The following HIP1 variants were observed in gnomAD, a reference collection of about 807,000 sequenced individuals.
HIP1 encodes the protein huntingtin-interacting protein 1.
A neutral mutation model predicts 147.6 loss-of-function variants in HIP1; 65 were observed. The observed-to-expected ratio is 0.44, with a 90% CI of 0.36 to 0.54. HIP1 has a LOEUF of 0.54. HIP1 is among the 20% of genes least tolerant of loss of function. HIP1 has a pLI of 0.00. For synonymous variants in HIP1, 479 were observed against 504.0 expected, an observed-to-expected ratio of 0.95 and a Z score of 0.67; for missense variants, 1,061 against 1,299.6, an observed-to-expected ratio of 0.82 and a Z score of 2.82.
At chr7:75,602,627 C>A (rs1197934490) in intron 1 of HIP1, among the ~76,000 whole-genome samples, 1 of 150,608 alleles carries the variant, frequency 6.6e-6, no homozygotes, top group Non-Finnish European at 1.5e-5. Context: ...CTCAGCCTCC[C>A]GAGTAGCTGG....
At chr7:75,711,594 C>A (rs73145046) in intron 1 of HIP1, among the ~76,000 whole-genome samples, 1 of 152,120 alleles carries the variant, frequency 6.6e-6, no homozygotes, top group Non-Finnish European at 1.5e-5. Flanking sequence ...AGATCAAAAA[C>A]GCCATCCTAA....
At chr7:75,669,066 AAACAAAC>A in intron 1 of HIP1, among the ~76,000 whole-genome samples, 1 of 148,250 alleles carries the variant, frequency 6.7e-6, no homozygotes, top group South Asian at 2.2e-4. Flanking sequence ...TAAAACAAAC[AAACAAAC>A]AAAAAAAACA....
chr7:75,630,230 G>A (rs781996871), intron 1 of HIP1, among the ~76,000 whole-genome samples: 9 of 152,002 alleles, frequency 5.9e-5, no homozygotes, highest in South Asian at 4.1e-4. Flanking sequence ...AGACCAAGGC[G>A]GGCATATCTC....
chr7:75,664,242 CAT>C (rs1248601312), intron 1 of HIP1, among the ~76,000 whole-genome samples: 3 of 134,750 alleles, frequency 2.2e-5, no homozygotes, highest in Non-Finnish European at 4.8e-5. Context: ...TATACATACA[CAT>C]ACTATATACA....
chr7:75,579,208 T>C (rs1554498183), intron 7 of HIP1, among the ~76,000 whole-genome samples: 1 of 152,178 alleles, frequency 6.6e-6, no homozygotes, highest in Admixed American at 6.6e-5. Context: ...TTCTGCGTTT[T>C]ATTTTTATTT....
At chr7:75,672,139 A>T (rs1799746083) in intron 1 of HIP1, among the ~76,000 whole-genome samples, 2 of 152,180 alleles carry the variant, frequency 1.3e-5, no homozygotes, top group South Asian at 4.1e-4. Flanking sequence ...GCACCTTTGC[A>T]TGTGCTTATT....
At chr7:75,601,179 G>C (rs186565237) in intron 1 of HIP1, among the ~76,000 whole-genome samples, 1 of 152,176 alleles carries the variant, frequency 6.6e-6, no homozygotes, top group East Asian at 1.9e-4. Flanking sequence ...CAATGTCTAA[G>C]ATTTACTTCA....
Position 75,551,215 on chromosome 7 carries a change from T to TTTTTTA in HIP1, c.2296-2215_2296-2214insTAAAAA, listed in dbSNP as rs1794770851. Among the ~76,000 whole-genome samples the TTTTTTA allele has an allele frequency of 3.7e-5, 5 of 134,202 alleles. No individual in the cohort carries two copies. In the East Asian group the frequency reaches 6.1e-4, roughly 16 times the overall value. 88.0% of individuals were successfully genotyped at this position (134,202 alleles called of 152,430 possible). On this transcript the variant is annotated intron_variant, in intron 22 of 30. Coordinates refer to ENST00000336926, the MANE Select transcript of HIP1 (RefSeq NM_005338.7). ...TTTTTTTTTTTTTTTTTTTTTTTTTTGAGGCAGTGTCTCACTCTGTCGCCC... is the reference window on the plus strand; with the variant it reads ...TTTTTTTTTTTTTTTTTTTTTTTTTTTTTTTAGAGGCAGTGTCTCACTCTGTCGCCC...
chr7:75,698,242 G>T (rs1388236432), intron 1 of HIP1, among the ~76,000 whole-genome samples: 1 of 151,842 alleles, frequency 6.6e-6, no homozygotes, highest in African/African-American at 2.4e-5. Flanking sequence ...ATATTTAGAG[G>T]GCTCACTAGA....
chr7:75,559,713 G>GCC lies in HIP1; in HGVS notation c.1375+17_1375+18dup. 3.9e-6 allele frequency: 1 copy of GCC among 259,574 alleles called. No individual in the cohort carries two copies. The highest frequency in any genetic ancestry group is 6.2e-6 in the Non-Finnish European group (1 of 162,262). The allele number at this position is 259,574 out of a possible 1,614,324, so 16.1% of individuals were successfully genotyped here. A position where few individuals can be genotyped will look rare whatever the true frequency, so the allele number is the denominator to read the frequency against. The stretch of plus-strand genomic sequence containing the variant: ...GCGCCTGCCCCCGGGGCCCGCCCCC[G>GCC]CCCCCACCCACCGCTCACTTTCTAT... On this transcript the variant is annotated intron_variant, in intron 14 of 30. Coordinates refer to ENST00000336926, the MANE Select transcript of HIP1 (RefSeq NM_005338.7).
chr7:75,670,692 C>T (rs990203447), intron 1 of HIP1, among the ~76,000 whole-genome samples: 5 of 151,658 alleles, frequency 3.3e-5, no homozygotes, highest in South Asian at 2.1e-4. Flanking sequence ...CAGCTCACTG[C>T]GGCTTTGACC....
rs1797369702 is a variant in HIP1 at position 75,609,925 on chromosome 7, C to A, written c.121-10678G>T. Reference sequence around the variant, plus strand: ...TTTCTTTTTTTTTTTTTTTTTGAGACAAAGTCTTGCTCTGTTGCCCAGGTT... The same window carrying A: ...TTTCTTTTTTTTTTTTTTTTTGAGAAAAAGTCTTGCTCTGTTGCCCAGGTT... On this transcript the variant is annotated intron_variant, in intron 1 of 30. Transcript: ENST00000336926. Among the ~76,000 whole-genome samples, 4 of 128,940 alleles carry A rather than the reference C, an allele frequency of 3.1e-5. No individual in the cohort carries two copies. In the South Asian group the frequency reaches 1.0e-3, roughly 32 times the overall value. The allele number at this position is 128,940 out of a possible 152,430, so 84.6% of individuals were successfully genotyped here.
At chr7:75,544,592 AAC>A in intron 27 of HIP1, 101 bp downstream of exon 27, 2 of 743,348 alleles carry the variant, frequency 2.7e-6, no homozygotes, top group Non-Finnish European at 4.9e-6. Context: ...AGTACTCTCT[AAC>A]TCAGCCAAGT....
intron 23 of HIP1, among the ~76,000 whole-genome samples, chr7:75,548,190 A>G (rs1033512980): frequency 1.3e-5 from 2 of 151,912 alleles, no homozygotes; most frequent in Non-Finnish European, 2.9e-5. Context: ...CACCACGCCC[A>G]GCTAATTTTT....
chr7:75,560,670 A>C (rs1795195309), intron 13 of HIP1, among the ~76,000 whole-genome samples: 1 of 152,052 alleles, frequency 6.6e-6, no homozygotes. Flanking sequence ...TGCCTGGCCT[A>C]AATGCTGTCC....
intron 1 of HIP1, among the ~76,000 whole-genome samples, chr7:75,629,212 G>T (rs1798134213): frequency 1.3e-5 from 2 of 152,196 alleles, no homozygotes; most frequent in African/African-American, 4.8e-5. Flanking sequence ...GCCATCTCCA[G>T]GCCCGGGTAG....
chr7:75,582,424 G>C (rs1796090826), intron 5 of HIP1, among the ~76,000 whole-genome samples: 1 of 152,194 alleles, frequency 6.6e-6, no homozygotes, highest in South Asian at 2.1e-4. Context: ...GCATGATCCT[G>C]TCATCTGTGT....
intron 1 of HIP1, among the ~76,000 whole-genome samples, chr7:75,726,910 C>T (rs1554522400): frequency 6.6e-6 from 1 of 151,890 alleles, no homozygotes; most frequent in African/African-American, 2.4e-5. Flanking sequence ...CTCCTGACTT[C>T]GGGTGATCTG....
At chr7:75,717,676 C>CAAAAAAAAAAAAA (rs55982331) in intron 1 of HIP1, among the ~76,000 whole-genome samples, 3 of 117,736 alleles carry the variant, frequency 2.5e-5, no homozygotes, top group African/African-American at 6.9e-5. Flanking sequence ...ACTAAAAATA[C>CAAAAAAAAAAAAA]AAAAAAAAAA....
Sources: gnomAD v4.1 joint callset for allele counts (sites outside exome capture counted in the v4.1 genomes callset) on GRCh38, gnomAD v4.1.1 for gene constraint, MANE v1.5 for transcripts, NCBI Gene and HGNC (gene_info 2026-07-23, HGNC 2026-07-21) for gene names.